Variants in MLIP observed in about 807,000 individuals in gnomAD.
MLIP encodes the protein muscular LMNA interacting protein.
In MLIP, 79 loss-of-function variants were observed where a neutral mutation model predicts 84.8. That is an observed-to-expected ratio of 0.93 (90% CI 0.78 to 1.12). MLIP has a LOEUF of 1.12. Among genes scored for constraint, MLIP ranks in the 50% most tolerant of loss-of-function variants. MLIP has a pLI of 0.00. For missense variants in MLIP, 1,257 were observed against 1,160.6 expected, an observed-to-expected ratio of 1.08 and a Z score of -1.21; for synonymous variants, 504 against 463.0, an observed-to-expected ratio of 1.09 and a Z score of -1.14.
At chr6:54,138,467 T>C (rs1055729859) in intron 4 of MLIP, among the ~76,000 whole-genome samples, 181 bp downstream of exon 4, 5 of 152,162 alleles carry the variant, frequency 3.3e-5, no homozygotes, top group Admixed American at 2.0e-4. Flanking sequence ...ATAATCTGTA[T>C]AGAATTATGT....
chr6:54,047,711 T>A (rs1765146182), intron 1 of MLIP: 1 of 152,150 alleles, frequency 6.6e-6, no homozygotes, highest in African/African-American at 2.4e-5. Context: ...AGAAGCCAGA[T>A]AATAATGAAA....
At chr6:54,074,582 TA>T (rs1766678930) in intron 1 of MLIP, among the ~76,000 whole-genome samples, 1 of 152,148 alleles carries the variant, frequency 6.6e-6, no homozygotes, top group Non-Finnish European at 1.5e-5. Context: ...TTATGCAAAT[TA>T]ATAGGTGTAT....
rs1771995083 is a variant in MLIP, at chr6:54,138,251, T to A, written c.2182T>A (p.Ser728Thr). 1.3e-6 allele frequency: 2 copies of A among 1,535,836 alleles called. No homozygotes were observed. Among genetic ancestry groups the A allele is most frequent in the Non-Finnish European group, 1.7e-6 (2 of 1,146,662 alleles). Reference sequence around the variant, plus strand: ...GGAGCTGATTTCACCTTGTGCATTGTCCATGTCAACAGGCCCAGAAAATAA... The same window carrying A: ...GGAGCTGATTTCACCTTGTGCATTGACCATGTCAACAGGCCCAGAAAATAA... The part of the protein sequence containing the change: ...TEELISPCAL[S>T]MSTGPENKKS... The change falls in exon 4 of 14, where the codon TCC (serine) becomes ACC (threonine). Residue 728 changes from serine to threonine, a missense_variant. Coordinates refer to ENST00000502396, the MANE Select transcript of MLIP (RefSeq NM_001281747.2).
chr6:54,099,580 C>T (rs758698894), intron 1 of MLIP: 3 of 152,088 alleles, frequency 2.0e-5, no homozygotes, highest in Non-Finnish European at 2.9e-5. Flanking sequence ...AGATTGCCAG[C>T]CTGCTCAGCG....
chr6:54,106,123 GGA>G (rs1245896646), intron 1 of MLIP, among the ~76,000 whole-genome samples: 1 of 152,126 alleles, frequency 6.6e-6, no homozygotes, highest in Non-Finnish European at 1.5e-5. Flanking sequence ...GGAGGCAGAG[GGA>G]GAGACTGGGC....
chr6:54,056,761 TG>T (rs1765684690), intron 1 of MLIP, among the ~76,000 whole-genome samples: 1 of 152,008 alleles, frequency 6.6e-6, no homozygotes, highest in Admixed American at 6.6e-5. Context: ...TCTTATGGAG[TG>T]AAGAAGAAGG....
chr6:54,026,590 G>A (rs1402458851), intron 1 of MLIP, among the ~76,000 whole-genome samples: 1 of 152,152 alleles, frequency 6.6e-6, no homozygotes, highest in African/African-American at 2.4e-5. Flanking sequence ...GCTAAGCAGT[G>A]AGAATTAAAG....
intron 1 of MLIP, among the ~76,000 whole-genome samples, chr6:54,081,267 G>A (rs1417749364): frequency 6.6e-6 from 1 of 152,130 alleles, no homozygotes; most frequent in Non-Finnish European, 1.5e-5. Context: ...TGAAGAGGGG[G>A]CCTTCAATTC....
At chr6:54,041,203 A>G (rs975790776) in intron 1 of MLIP, 3 of 152,120 alleles carry the variant, frequency 2.0e-5, no homozygotes, top group Non-Finnish European at 4.4e-5. Flanking sequence ...CTATGGTTAT[A>G]TCTTTTTGGG....
intron 1 of MLIP, among the ~76,000 whole-genome samples, chr6:54,062,183 A>G (rs1162023505): frequency 1.3e-5 from 2 of 152,196 alleles, no homozygotes; most frequent in Non-Finnish European, 2.9e-5. Flanking sequence ...CTATATTAAC[A>G]GTATGTTTTT....
intron 2 of MLIP, 59 bp from the exon 3 acceptor site, chr6:54,124,414 A>T: frequency 6.7e-7 from 1 of 1,490,566 alleles, no homozygotes; most frequent in Non-Finnish European, 9.0e-7. Flanking sequence ...TGTACATGCC[A>T]AAAAAGAAGC....
intron 1 of MLIP, among the ~76,000 whole-genome samples, chr6:54,072,178 T>C (rs1042235301): frequency 6.6e-6 from 1 of 152,122 alleles, no homozygotes; most frequent in African/African-American, 2.4e-5. Flanking sequence ...AAGGACCCCA[T>C]GAGGAACTGA....
At chr6:54,124,370 A>G (rs1422820131) in intron 2 of MLIP, 103 bp from the exon 3 acceptor site, 4 of 1,068,044 alleles carry the variant, frequency 3.7e-6, no homozygotes, top group Middle Eastern at 2.3e-4. Flanking sequence ...AATTTAATAT[A>G]TTTTTGAAAA....
At chr6:54,173,659 CATA>C (rs1470386924) in intron 9 of MLIP, among the ~76,000 whole-genome samples, 1 of 151,678 alleles carries the variant, frequency 6.6e-6, no homozygotes, top group Admixed American at 6.6e-5. Flanking sequence ...GAATGCAATG[CATA>C]ATAATTACAT....
chr6:54,198,156 C>A (rs1454416743), intron 10 of MLIP, among the ~76,000 whole-genome samples: 1 of 152,058 alleles, frequency 6.6e-6, no homozygotes, highest in Non-Finnish European at 1.5e-5. Flanking sequence ...TTAATGTGTA[C>A]ATGAATCGCT....
At chr6:54,023,370 A>G (rs1338061986) in intron 1 of MLIP, among the ~76,000 whole-genome samples, 1 of 151,756 alleles carries the variant, frequency 6.6e-6, no homozygotes, top group Non-Finnish European at 1.5e-5. Flanking sequence ...CTTTAACAGC[A>G]TATATCTAAT....
At chr6:54,117,045 T>C (rs1366178924) in intron 1 of MLIP, among the ~76,000 whole-genome samples, 3 of 152,084 alleles carry the variant, frequency 2.0e-5, no homozygotes, top group Non-Finnish European at 4.4e-5. Flanking sequence ...AAATTTAACA[T>C]TCCTTCATGA....
intron 9 of MLIP, among the ~76,000 whole-genome samples, chr6:54,182,226 T>G (rs1488824322): frequency 6.6e-6 from 1 of 152,196 alleles, no homozygotes; most frequent in Non-Finnish European, 1.5e-5. Flanking sequence ...ATAGGCCTAC[T>G]CCAAATGCTC....
chr6:54,130,231 G>A (rs973034613), intron 3 of MLIP, among the ~76,000 whole-genome samples: 1 of 152,110 alleles, frequency 6.6e-6, no homozygotes, highest in Non-Finnish European at 1.5e-5. Flanking sequence ...CAGGTACAAA[G>A]GAAGAACATA....
Sources: allele counts gnomAD v4.1 joint callset (sites outside exome capture counted in the v4.1 genomes callset), GRCh38; gene constraint gnomAD v4.1.1; transcripts MANE v1.5; gene names NCBI Gene and HGNC (gene_info 2026-07-23, HGNC 2026-07-21).